The following MYO1H variants were observed in gnomAD, a reference collection of about 807,000 sequenced individuals.
MYO1H encodes myosin IH, also known as unconventional myosin-Ih.
In MYO1H, 118 loss-of-function variants were observed where a neutral mutation model predicts 149.3. The observed-to-expected ratio is 0.79, with a 90% CI of 0.68 to 0.92. The LOEUF (loss-of-function observed/expected upper bound fraction) is 0.92. MYO1H is among the 40% of genes least tolerant of loss of function. MYO1H has a pLI of 0.00. For missense variants in MYO1H, 1,212 were observed against 1,280.7 expected, an observed-to-expected ratio of 0.95 and a Z score of 0.82; for synonymous variants, 447 against 465.2, an observed-to-expected ratio of 0.96 and a Z score of 0.50.
intron 11 of MYO1H, 97 bp from the exon 12 acceptor site, chr12:109,409,866 T>G: frequency 1.3e-6 from 1 of 764,224 alleles, no homozygotes; most frequent in Non-Finnish European, 2.1e-6. Context: ...ACTTTGCTTT[T>G]TCTTTATTAA....
rs775133543 is a variant in MYO1H at position 109,442,239 on chromosome 12, A to G, written c.2655A>G (p.Lys885=). The change falls in exon 27 of 32, where the codon AAA becomes AAG. Residue 885 remains lysine (K), a synonymous_variant. Coordinates refer to ENST00000310903, the Ensembl canonical transcript of MYO1H. ...TAGATGAAGGAGACATTAATCCGAA[A>G]GTGCTTCAGCTAATTAGCCATGAGA... is the stretch of plus-strand genomic sequence containing the variant. 5.6e-6 allele frequency: 9 copies of G among 1,613,804 alleles called. No homozygotes were observed. The Admixed American group carries it at 1.5e-4, about 27-fold the overall frequency.
intron 4 of MYO1H, 79 bp from the exon 5 acceptor site, chr12:109,397,653 A>AT: frequency 8.9e-7 from 1 of 1,119,752 alleles, no homozygotes; most frequent in South Asian, 1.7e-5. Context: ...CATTTTTGTA[A>AT]TAAGTGTATT....
intron 16 of MYO1H, among the ~76,000 whole-genome samples, chr12:109,423,591 G>A (rs1286963618): frequency 5.3e-5 from 8 of 152,206 alleles, no homozygotes; most frequent in African/African-American, 7.2e-5. Context: ...ACTGCTCTCC[G>A]TTCCCCCTCC....
intron 3 of MYO1H, among the ~76,000 whole-genome samples, chr12:109,394,539 C>T (rs544032080): frequency 6.6e-6 from 1 of 151,906 alleles, no homozygotes; most frequent in Non-Finnish European, 1.5e-5. Context: ...ATTTGTTTGT[C>T]ACTATGCCTG....
At chr12:109,401,532 C>A (rs1283081581) in intron 6 of MYO1H, 2 of 362,250 alleles carry the variant, frequency 5.5e-6, no homozygotes, top group Admixed American at 4.2e-5. Flanking sequence ...CTGAAGAGCC[C>A]TTTAAAAACA....
At chr12:109,428,029 TG>T (rs1333880588) in intron 19 of MYO1H, among the ~76,000 whole-genome samples, 1 of 140,710 alleles carries the variant, frequency 7.1e-6, no homozygotes, top group Non-Finnish European at 1.5e-5. Flanking sequence ...GAGGCTGCGG[TG>T]AACTTGAGAT....
chr12:109,408,049 C>A, intron 10 of MYO1H, 136 bp downstream of exon 10: 1 of 1,092,238 alleles, frequency 9.2e-7, no homozygotes. Context: ...TCCCTATTCA[C>A]ATTTCCCATG....
At position 109,439,791 on chromosome 12, in the gene MYO1H, G is replaced by A. The variant is rs773351711; in HGVS notation, c.2454+1G>A. 2.2e-5 allele frequency: 36 copies of A among 1,613,306 alleles called. No individual in the cohort carries two copies. The highest frequency in any genetic ancestry group is 1.6e-4 in the Middle Eastern group (1 of 6,084). On this transcript the variant is annotated splice_donor_variant, in intron 24 of 31. Coordinates refer to ENST00000310903, the Ensembl canonical transcript of MYO1H. LOFTEE classifies it high-confidence loss of function. ...GAGGCCTCCTGGCATCTTGGAAAAT[G>A]TAAGGACTAATCTGGGATTTCCAGT...
chr12:109,324,013 GAAAA>G, the MYO1H span, among the ~76,000 whole-genome samples: 4 of 141,796 alleles, frequency 2.8e-5, no homozygotes, highest in Admixed American at 1.4e-4. Flanking sequence ...CCTGACTCAA[GAAAA>G]AAAAAAAAAA....
exon 30 of MYO1H, chr12:109,444,511 T>C: frequency 6.2e-7 from 1 of 1,613,418 alleles, no homozygotes; most frequent in Non-Finnish European, 8.5e-7. Context: ...GAGAACATTG[T>C]CAATGTTGTT....
At chr12:109,448,230 A>T (rs1249329556) in exon 32 of MYO1H, 1 of 152,260 alleles carries the variant, frequency 6.6e-6, no homozygotes, top group Admixed American at 6.5e-5. Flanking sequence ...GTTTACATCC[A>T]TTAGCCTCAT....
exon 8 of MYO1H, chr12:109,405,942 C>T: frequency 5.0e-6 from 8 of 1,612,572 alleles, no homozygotes; most frequent in Non-Finnish European, 5.9e-6. Flanking sequence ...GAATTATTGC[C>T]AGTGTCTTAC....
In MYO1H at chr12:109,426,313, G is replaced by C. The variant is rs145836848; in HGVS notation, c.1831+262G>C. ...AGTTTGGGCAACATGGCAAAACCCC[G>C]TCTCTACAAAAAATGCGAAAATTAG... On this transcript the variant is annotated intron_variant, in intron 18 of 31. Transcript: ENST00000310903. Among the ~76,000 whole-genome samples, 362 of 152,180 alleles carry C rather than the reference G, an allele frequency of 2.4e-3. 3 individuals carry two copies. The highest frequency in any genetic ancestry group is 3.4e-3 in the Middle Eastern group (1 of 294).
chr12:109,332,141 T>A, the MYO1H span, among the ~76,000 whole-genome samples: 1 of 152,224 alleles, frequency 6.6e-6, no homozygotes, highest in Non-Finnish European at 1.5e-5. Flanking sequence ...CAGTAGGATT[T>A]TCATGAACCT....
At chr12:109,355,388 C>A (rs1467651953) in intron 1 of MYO1H, among the ~76,000 whole-genome samples, 3 of 152,166 alleles carry the variant, frequency 2.0e-5, no homozygotes, top group Non-Finnish European at 1.5e-5. Context: ...TGAATCACCT[C>A]AGGGAACTTG....
At chr12:109,380,394 T>C (rs1439425087) in intron 1 of MYO1H, among the ~76,000 whole-genome samples, 3 of 151,978 alleles carry the variant, frequency 2.0e-5, no homozygotes, top group Admixed American at 2.0e-4. Flanking sequence ...AAAATGTACA[T>C]CTGGTTGCTA....
intron 1 of MYO1H, among the ~76,000 whole-genome samples, chr12:109,384,656 A>G (rs1869267115): frequency 6.6e-6 from 1 of 152,226 alleles, no homozygotes; most frequent in South Asian, 2.1e-4. Flanking sequence ...TCTGAAGTGA[A>G]TGGAGTCTGC....
At chr12:109,323,290 T>A in the MYO1H span, among the ~76,000 whole-genome samples, 1 of 152,256 alleles carries the variant, frequency 6.6e-6, no homozygotes, top group Admixed American at 6.5e-5. Context: ...ACAGGCTACA[T>A]TCTCTTTGTA....
chr12:109,321,560 A>T, the MYO1H span, among the ~76,000 whole-genome samples: 1 of 152,210 alleles, frequency 6.6e-6, no homozygotes, highest in Non-Finnish European at 1.5e-5. Context: ...TCAAAAAAAA[A>T]GGAAACACTG....
Sources: allele counts gnomAD v4.1 joint callset (sites outside exome capture counted in the v4.1 genomes callset), GRCh38; gene constraint gnomAD v4.1.1; transcripts MANE v1.5; gene names NCBI Gene and HGNC (gene_info 2026-07-23, HGNC 2026-07-21).